SLIT3: variants seen among roughly 807,000 people sequenced by gnomAD.
The protein encoded by SLIT3 is slit guidance ligand 3.
SLIT3 carries 68 observed loss-of-function variants against 184.0 expected under a neutral mutation model. The ratio of observed to expected loss-of-function variants is 0.37; its 90% CI spans 0.30 to 0.45. SLIT3 has a LOEUF of 0.45. Ranked by LOEUF, SLIT3 falls within the 20% of genes least tolerant of loss-of-function variation. SLIT3 has a pLI of 1.00. For synonymous variants in SLIT3, 831 were observed against 828.6 expected (o/e 1.00, Z -0.05); for missense variants, 1,707 against 2,026.0 (o/e 0.84, Z 3.02).
chr5:168,699,683 A>T (rs1172533581), intron 27 of SLIT3, among the ~76,000 whole-genome samples: 2 of 152,222 alleles, frequency 1.3e-5, no homozygotes, highest in African/African-American at 4.8e-5. Context: ...AGGAATGAGC[A>T]TCAGGAGATA....
intron 4 of SLIT3, among the ~76,000 whole-genome samples, chr5:169,039,317 GTTTT>G (rs201685130): frequency 2.3e-5 from 3 of 131,804 alleles, no homozygotes; most frequent in African/African-American, 2.8e-5. Context: ...TTTTTTTTGT[GTTTT>G]TTTTTTTTTT....
chr5:168,959,348 G>A (rs1762934263), intron 4 of SLIT3, among the ~76,000 whole-genome samples: 1 of 152,126 alleles, frequency 6.6e-6, no homozygotes, highest in Non-Finnish European at 1.5e-5. Flanking sequence ...GGTTCTGACA[G>A]GTGTTCAAAG....
At position 169,300,431 on chromosome 5, in the gene SLIT3, G is replaced by A; in HGVS notation, c.197+82C>T. The A allele has an allele frequency of 7.3e-7, 1 of 1,368,854 alleles. No individual in the cohort carries two copies. Among genetic ancestry groups the A allele is most frequent in the Non-Finnish European group, 9.4e-7 (1 of 1,063,744 alleles). The allele number at this position is 1,368,854 out of a possible 1,614,324, so 84.8% of individuals were successfully genotyped here. A position where few individuals can be genotyped will look rare whatever the true frequency, so the allele number is the denominator to read the frequency against. ...GAGACTGCATCCAGGGAGGCCGAGG[G>A]GAAAGGACGGATCTGGCGCCTGGGG... On this transcript the variant is annotated intron_variant, in intron 1 of 35. Coordinates refer to ENST00000519560, the MANE Select transcript of SLIT3 (RefSeq NM_003062.4). This position sits in a 1 kb window ranked among gnomAD's most constrained non-coding sequence, Gnocchi z 4.1.
chr5:169,235,969 T>C (rs538162221), intron 3 of SLIT3, among the ~76,000 whole-genome samples: 109 of 152,226 alleles, frequency 7.2e-4, no homozygotes, highest in Non-Finnish European at 1.4e-3. Context: ...CCTTTTCACA[T>C]AGAACTCTTT....
At chr5:168,892,685 A>G (rs184563520) in intron 4 of SLIT3, among the ~76,000 whole-genome samples, 21 of 152,376 alleles carry the variant, frequency 1.4e-4, no homozygotes, top group African/African-American at 4.3e-4. Context: ...TTCCAGGGCT[A>G]TCAGAGTTAA....
chr5:169,199,465 G>A (rs1763848583), intron 3 of SLIT3, among the ~76,000 whole-genome samples: 1 of 152,154 alleles, frequency 6.6e-6, no homozygotes, highest in African/African-American at 2.4e-5. Context: ...AAGGTGGTGT[G>A]TTTAGATTCA....
chr5:169,069,875 G>C (rs2113121914), intron 4 of SLIT3, among the ~76,000 whole-genome samples: 1 of 152,286 alleles, frequency 6.6e-6, no homozygotes, highest in Admixed American at 6.5e-5. Flanking sequence ...GCAATGATGA[G>C]AGTCTGGGTA....
intron 4 of SLIT3, among the ~76,000 whole-genome samples, chr5:168,987,458 G>A (rs924213201): frequency 3.3e-5 from 5 of 152,308 alleles, no homozygotes; most frequent in South Asian, 4.1e-4. Flanking sequence ...TCTTTGCTGT[G>A]TCACCTTAAA....
chr5:169,027,596 A>G (rs1418048486), intron 4 of SLIT3, among the ~76,000 whole-genome samples: 2 of 151,354 alleles, frequency 1.3e-5, no homozygotes, highest in African/African-American at 2.4e-5. Context: ...TTTTCACTCA[A>G]CTCTCCGCCG....
chr5:168,951,377 C>T (rs1205325389), intron 4 of SLIT3, among the ~76,000 whole-genome samples: 1 of 152,080 alleles, frequency 6.6e-6, no homozygotes, highest in East Asian at 1.9e-4. Context: ...ATAACAGTCA[C>T]AAGGAGAAAA....
rs529174134 is a variant in SLIT3, at chr5:168,822,721, C to T, written c.629+539G>A. On this transcript the variant is annotated intron_variant, in intron 7 of 35. Coordinates refer to ENST00000519560, the MANE Select transcript of SLIT3 (RefSeq NM_003062.4). ...GGTAAAGAACCAAGTATGAGAAAGA[C>T]GGCATTCTAATGTCAGAATATCATC... Among the ~76,000 whole-genome samples the T allele has an allele frequency of 5.9e-5, 9 of 152,184 alleles. No individual in the cohort carries two copies. In the South Asian group the frequency reaches 6.3e-4, roughly 11 times the overall value.
At chr5:168,785,391 T>C (rs1365927403) in intron 12 of SLIT3, among the ~76,000 whole-genome samples, 1 of 152,170 alleles carries the variant, frequency 6.6e-6, no homozygotes. Flanking sequence ...TCCTTTAAAT[T>C]AAGTAAACAC....
chr5:168,888,459 A>G (rs908278820), intron 4 of SLIT3, among the ~76,000 whole-genome samples: 7 of 152,264 alleles, frequency 4.6e-5, no homozygotes, highest in Admixed American at 1.3e-4. Flanking sequence ...GAAGGAACCC[A>G]AGGGGATCCA....
At chr5:168,721,350 GAAT>G (rs781455121) in intron 23 of SLIT3, among the ~76,000 whole-genome samples, 1 of 152,218 alleles carries the variant, frequency 6.6e-6, no homozygotes, top group Non-Finnish European at 1.5e-5. Context: ...TGTGATATAA[GAAT>G]AATAACAAGT....
At chr5:168,970,752 C>T (rs1754550090) in intron 4 of SLIT3, among the ~76,000 whole-genome samples, 1 of 152,124 alleles carries the variant, frequency 6.6e-6, no homozygotes, top group African/African-American at 2.4e-5. Context: ...TCCTCTTTTT[C>T]TTACTATAAA....
chr5:168,946,525 CAG>C (rs1762488355), intron 4 of SLIT3, among the ~76,000 whole-genome samples: 1 of 152,232 alleles, frequency 6.6e-6, no homozygotes, highest in Non-Finnish European at 1.5e-5. Flanking sequence ...TAGTGTTCCC[CAG>C]CCTTGTTCAC....
intron 26 of SLIT3, 134 bp downstream of exon 26, chr5:168,707,842 G>T: frequency 9.5e-7 from 1 of 1,056,278 alleles, no homozygotes; most frequent in Non-Finnish European, 1.4e-6. Flanking sequence ...TTGGAGTGGT[G>T]ACCTGTGCGA....
Position 168,806,480 on chromosome 5 carries a change from T to C in SLIT3, c.901A>G (p.Ile301Val). ...ATGCCCTCCGGCAAGTTGGCAGGAA[T>C]CTCCATCAAGCCCTTTCCTCGACAG... ...VDCRGKGLMEIPANLPEGIVE... is the reference protein window; with the variant it reads ...VDCRGKGLMEVPANLPEGIVE... The change falls in exon 9 of 36, where the codon ATT (isoleucine) becomes GTT (valine). Residue 301 changes from isoleucine to valine, a missense_variant. Ile to Val is a conservative substitution (Grantham distance 29). Coordinates refer to ENST00000519560, the MANE Select transcript of SLIT3 (RefSeq NM_003062.4). The C allele has an allele frequency of 6.2e-7, 1 of 1,614,154 alleles. No homozygotes were observed. The highest frequency in any genetic ancestry group is 1.3e-5 in the African/African-American group (1 of 75,044).
rs114715036 is a variant in SLIT3, at chr5:168,754,041, A to C, written c.1686-34T>G. 7.2e-4 allele frequency: 1,113 copies of C among 1,536,934 alleles called. 8 individuals carry two copies. In the African/African-American group the frequency reaches 9.1e-3, roughly 13 times the overall value. ...AAGAAACAGAATAGGGGAGAATCAAAAGGAGCAGATGGTCTTGATGCCGGG... is the reference window on the plus strand; with the variant it reads ...AAGAAACAGAATAGGGGAGAATCAACAGGAGCAGATGGTCTTGATGCCGGG... On this transcript the variant is annotated intron_variant, in intron 16 of 35. Transcript: ENST00000519560.
Sources: allele counts gnomAD v4.1 joint callset (sites outside exome capture counted in the v4.1 genomes callset), GRCh38; gene constraint gnomAD v4.1.1; non-coding constraint Gnocchi (gnomAD v3.1); transcripts MANE v1.5; gene names NCBI Gene and HGNC (gene_info 2026-07-23, HGNC 2026-07-21).